Variants in CADM2 observed in about 807,000 individuals in gnomAD.
CADM2 encodes immunoglobulin superfamily member 4D.
Under a neutral mutation model 49.8 loss-of-function variants are expected in CADM2, and 12 were observed. That is an observed-to-expected ratio of 0.24 (90% confidence interval 0.15 to 0.39). CADM2 has a LOEUF of 0.39. Among genes scored for constraint, CADM2 ranks in the 10% least tolerant of loss-of-function variants. The probability of loss-of-function intolerance (pLI) is 1.00; values close to 1 mark genes in which losing one functional copy is unlikely to be tolerated. For missense variants in CADM2, 378 were observed against 492.3 expected (o/e 0.77, Z 2.20); for synonymous variants, 214 against 175.4 (o/e 1.22, Z -1.74).
intron 8 of CADM2, among the ~76,000 whole-genome samples, chr3:86,041,398 A>C (rs993445190): frequency 1.1e-4 from 17 of 152,198 alleles, no homozygotes; most frequent in Non-Finnish European, 2.1e-4. Flanking sequence ...TCTACGAAGC[A>C]AATGGAAAAC....
chr3:85,991,972 T>C, intron 8 of CADM2, among the ~76,000 whole-genome samples: 1 of 152,038 alleles, frequency 6.6e-6, no homozygotes, highest in South Asian at 2.1e-4. Context: ...ATTAAATAAC[T>C]ATGAAATGTT....
intron 1 of CADM2, among the ~76,000 whole-genome samples, chr3:85,134,106 G>A (rs976200510): frequency 6.6e-6 from 1 of 152,228 alleles, no homozygotes; most frequent in African/African-American, 2.4e-5. Context: ...TGGCCCAGGT[G>A]CTAAGCCCCT....
intron 3 of CADM2, among the ~76,000 whole-genome samples, chr3:85,865,870 G>A (rs2075703676): frequency 6.6e-6 from 1 of 152,162 alleles, no homozygotes; most frequent in African/African-American, 2.4e-5. Context: ...TATATTTAAA[G>A]AATTTCAAGA....
chr3:85,915,188 A>C (rs965656286), intron 6 of CADM2, among the ~76,000 whole-genome samples: 2 of 152,170 alleles, frequency 1.3e-5, no homozygotes, highest in Admixed American at 1.3e-4. Context: ...ACCATATTTC[A>C]ATATGCATGA....
chr3:85,333,796 A>G (rs1472275242), intron 1 of CADM2, among the ~76,000 whole-genome samples: 1 of 151,630 alleles, frequency 6.6e-6, no homozygotes, highest in Non-Finnish European at 1.5e-5. Flanking sequence ...ATAAAAGGCT[A>G]TTATATTTCG....
chr3:85,184,604 A>G (rs1036904962), intron 1 of CADM2, among the ~76,000 whole-genome samples: 1 of 152,086 alleles, frequency 6.6e-6, no homozygotes, highest in Non-Finnish European at 1.5e-5. Context: ...GGAATTTGAG[A>G]CATGTCGATA....
chr3:85,747,543 GA>G (rs2068666548), intron 2 of CADM2, among the ~76,000 whole-genome samples: 1 of 152,092 alleles, frequency 6.6e-6, no homozygotes, highest in African/African-American at 2.4e-5. Context: ...GAAAAAGAAT[GA>G]GAGGCAGAGA....
intron 1 of CADM2, among the ~76,000 whole-genome samples, chr3:85,468,664 A>G (rs1200657140): frequency 6.6e-6 from 1 of 152,164 alleles, no homozygotes; most frequent in Admixed American, 6.5e-5. Flanking sequence ...TGGTTTCATT[A>G]TACATCATTT....
At chr3:86,057,592 T>G (rs1197286769) in intron 8 of CADM2, among the ~76,000 whole-genome samples, 1 of 152,152 alleles carries the variant, frequency 6.6e-6, no homozygotes, top group Non-Finnish European at 1.5e-5. Context: ...ATTACAAGTG[T>G]AAGAAACAAC....
chr3:85,953,783 C>A (rs1723728381), intron 7 of CADM2, among the ~76,000 whole-genome samples: 1 of 148,614 alleles, frequency 6.7e-6, no homozygotes, highest in Admixed American at 6.7e-5. Flanking sequence ...TTGATAATTT[C>A]ATGCATTTAT....
chr3:85,029,886 C>A (rs1270468705), intron 1 of CADM2, among the ~76,000 whole-genome samples: 2 of 152,192 alleles, frequency 1.3e-5, no homozygotes, highest in Non-Finnish European at 2.9e-5. Flanking sequence ...TCACATTTAG[C>A]ATCTTACACA....
chr3:85,212,886 C>CTCTCTCTCTCTCTCTCTCTCTT (rs1553696376), intron 1 of CADM2, among the ~76,000 whole-genome samples: 2 of 77,894 alleles, frequency 2.6e-5, no homozygotes, highest in Non-Finnish European at 4.7e-5. Flanking sequence ...TTCTTTCTTT[C>CTCTCTCTCTCTCTCTCTCTCTT]TCTTTCTTTC....
chr3:85,400,940 A>G (rs1282368418), intron 1 of CADM2, among the ~76,000 whole-genome samples: 1 of 152,122 alleles, frequency 6.6e-6, no homozygotes, highest in Non-Finnish European at 1.5e-5. Flanking sequence ...TATTTCTGTC[A>G]TCTGACACTA....
chr3:85,724,281 T>C (rs916733740), intron 1 of CADM2, among the ~76,000 whole-genome samples: 1 of 151,942 alleles, frequency 6.6e-6, no homozygotes, highest in African/African-American at 2.4e-5. Context: ...ATATGTAATA[T>C]ACTTGCACAC....
intron 3 of CADM2, among the ~76,000 whole-genome samples, chr3:85,850,314 CTTTTTTTT>C (rs577604958): frequency 5.3e-5 from 4 of 76,068 alleles, no homozygotes; most frequent in African/African-American, 1.0e-4. Flanking sequence ...TGTTGCAATT[CTTTTTTTT>C]TTTTTTTTTT....
intron 2 of CADM2, among the ~76,000 whole-genome samples, chr3:85,766,446 C>G (rs950099188): frequency 5.9e-5 from 9 of 152,106 alleles, no homozygotes; most frequent in Non-Finnish European, 8.8e-5. Flanking sequence ...GTTCTTAGAT[C>G]TAAAAATTCG....
intron 1 of CADM2, among the ~76,000 whole-genome samples, chr3:85,561,545 C>T (rs62250468): frequency 0.51 from 77,933 of 152,012 alleles, 23,059 homozygotes; most frequent in East Asian, 0.85. Context: ...ATTTCTATTT[C>T]TTAGGGGAGT....
intron 8 of CADM2, among the ~76,000 whole-genome samples, chr3:86,001,020 A>G (rs1397472729): frequency 1.3e-5 from 2 of 152,208 alleles, no homozygotes; most frequent in Non-Finnish European, 2.9e-5. Flanking sequence ...ATAAGGGTTT[A>G]GACTACAATG....
At chr3:85,351,749 A>G (rs1047530219) in intron 1 of CADM2, among the ~76,000 whole-genome samples, 19 of 152,150 alleles carry the variant, frequency 1.2e-4, no homozygotes, top group Non-Finnish European at 2.6e-4. Context: ...GGGCCTGTCT[A>G]TATTTGAATA....
Sources: allele counts gnomAD v4.1 joint callset (sites outside exome capture counted in the v4.1 genomes callset), GRCh38; gene constraint gnomAD v4.1.1; transcripts MANE v1.5; gene names NCBI Gene and HGNC (gene_info 2026-07-23, HGNC 2026-07-21).